The following CSPP1 variants were observed in gnomAD, a reference collection of about 807,000 sequenced individuals.
The protein encoded by CSPP1 is centrosome and spindle pole-associated protein 1.
Under a neutral mutation model 164.4 loss-of-function variants are expected in CSPP1, and 126 were observed. That is an observed-to-expected ratio of 0.77 (90% CI 0.66 to 0.89). The LOEUF is 0.89. CSPP1 is among the 40% of genes least tolerant of loss of function. CSPP1 has a pLI of 0.00. For missense variants in CSPP1, 1,395 were observed against 1,449.8 expected (o/e 0.96, Z 0.61); for synonymous variants, 472 against 476.7 (o/e 0.99, Z 0.13).
chr8:67,098,248 A>C (rs1813249391), intron 7 of CSPP1, among the ~76,000 whole-genome samples: 1 of 150,520 alleles, frequency 6.6e-6, no homozygotes, highest in Non-Finnish European at 1.5e-5. Flanking sequence ...TATTATGAGA[A>C]GTGCACAGTT....
intron 23 of CSPP1, 146 bp from the exon 24 acceptor site, chr8:67,164,245 G>T (rs1267188590): frequency 3.5e-6 from 2 of 570,352 alleles, no homozygotes; most frequent in Non-Finnish European, 6.2e-6. Context: ...ATCCATGTAT[G>T]TGTGTATATA....
chr8:67,131,198 C>T (rs189715496), intron 15 of CSPP1, among the ~76,000 whole-genome samples: 1 of 152,070 alleles, frequency 6.6e-6, no homozygotes, highest in South Asian at 2.1e-4. Context: ...AGTTCAAGAC[C>T]AGCCTGGGCA....
chr8:67,075,457 T>A (rs1807723152), intron 2 of CSPP1, among the ~76,000 whole-genome samples: 1 of 152,224 alleles, frequency 6.6e-6, no homozygotes, highest in South Asian at 2.1e-4. Context: ...TTTACTCACA[T>A]GGCTAACATT....
At chr8:67,174,314 T>A (rs574655674) in intron 25 of CSPP1, 6 of 152,304 alleles carry the variant, frequency 3.9e-5, no homozygotes, top group Admixed American at 3.9e-4. Context: ...TAATTTCTGA[T>A]CATAAAGCTT....
intron 12 of CSPP1, 120 bp from the exon 13 acceptor site, chr8:67,115,794 A>G: frequency 6.2e-6 from 4 of 640,102 alleles, no homozygotes; most frequent in Non-Finnish European, 1.1e-5. Flanking sequence ...TTATAGCTGT[A>G]AAATTCTGTT....
chr8:67,141,241 A>G (rs2129556008), intron 17 of CSPP1, among the ~76,000 whole-genome samples: 1 of 152,248 alleles, frequency 6.6e-6, no homozygotes, highest in African/African-American at 2.4e-5. Flanking sequence ...TTGAGTTATA[A>G]AACATTATTT....
intron 12 of CSPP1, chr8:67,115,300 CT>C (rs1214197407): frequency 6.6e-6 from 1 of 152,212 alleles, no homozygotes; most frequent in East Asian, 1.9e-4. Flanking sequence ...CTAGTCTTTG[CT>C]TAATTATTTA....
chr8:67,087,216 TA>T (rs1452202295), intron 4 of CSPP1, among the ~76,000 whole-genome samples: 1 of 152,114 alleles, frequency 6.6e-6, no homozygotes, highest in Admixed American at 6.5e-5. Context: ...ATATCCAAGA[TA>T]TTTGAACTAC....
chr8:67,148,154 AG>A (rs1456406591), intron 17 of CSPP1, among the ~76,000 whole-genome samples: 1 of 152,026 alleles, frequency 6.6e-6, no homozygotes, highest in Non-Finnish European at 1.5e-5. Flanking sequence ...CCTGAGCTCA[AG>A]TAATCCACCC....
At chr8:67,182,223 G>A (rs546094222) in intron 28 of CSPP1, among the ~76,000 whole-genome samples, 2 of 151,994 alleles carry the variant, frequency 1.3e-5, no homozygotes, top group Non-Finnish European at 2.9e-5. Flanking sequence ...GGTTGGTCGC[G>A]AACTCTTGAG....
In CSPP1 at chr8:67,172,154, ATTT is replaced by A. The variant is rs540548645; in HGVS notation, c.2829-242_2829-240del. Reference sequence around the variant, plus strand: ...ATGAGACACCATGCCTGGCCTCATAATTTTTTTTTTTTTTTTTTTTTTGTAGCG... The same window carrying A: ...ATGAGACACCATGCCTGGCCTCATAATTTTTTTTTTTTTTTTTTTGTAGCG... On this transcript the variant is annotated intron_variant, in intron 24 of 30. Coordinates refer to ENST00000678616, the MANE Select transcript of CSPP1 (RefSeq NM_001382391.1). Among the ~76,000 whole-genome samples, 9 of 124,872 alleles carry A rather than the reference ATTT, an allele frequency of 7.2e-5. No homozygotes were observed. The South Asian group carries it at 1.0e-3, about 14-fold the overall frequency. The allele number at this position is 124,872 out of a possible 152,430, so 81.9% of individuals were successfully genotyped here.
In CSPP1 at chr8:67,113,818, G is replaced by T. The variant is rs1325593575; in HGVS notation, c.1201G>T (p.Glu401Ter). The change falls in exon 11 of 31, where the codon GAA becomes TAA. Residue 401 changes from glutamate to a stop codon, truncating the protein, a stop_gained. Coordinates refer to ENST00000678616, the MANE Select transcript of CSPP1 (RefSeq NM_001382391.1). LOFTEE classifies it high-confidence loss of function. ...AATTTTGTTTAGAGAAAAAGATTTA[G>T]AACTCAGGGTTGCAGCGTCTGGAGC... ...QRNKRREKDL[E>*]LRVAASGAQD... The T allele has an allele frequency of 6.4e-7, 1 of 1,571,476 alleles. No homozygotes were observed. Among genetic ancestry groups the T allele is most frequent in the Non-Finnish European group, 8.7e-7 (1 of 1,151,938 alleles).
chr8:67,188,948 G>A (rs1040537355), intron 28 of CSPP1, among the ~76,000 whole-genome samples: 1 of 152,034 alleles, frequency 6.6e-6, no homozygotes, highest in Non-Finnish European at 1.5e-5. Context: ...GTGAGGCCAA[G>A]AACCCCAGGT....
intron 7 of CSPP1, among the ~76,000 whole-genome samples, chr8:67,100,740 C>T (rs1057273832): frequency 2.0e-5 from 3 of 150,012 alleles, no homozygotes; most frequent in Admixed American, 1.3e-4. Flanking sequence ...CCGCCGTGCC[C>T]GGCCTCTGTT....
Position 67,086,082 on chromosome 8 carries a change from G to A in CSPP1, c.275G>A (p.Arg92Gln), listed in dbSNP as rs764280843. Residue 92 changes from arginine to glutamine, a missense_variant, in exon 4 of 31, where the codon CGG (arginine) becomes CAG (glutamine). Transcript: ENST00000678616. ...RKKHKLKEEL[R>Q]QDYRRYLTQK... ...AAACATAAATTAAAAGAAGAATTGC[G>A]GCAAGATTACAGACGTTATCTTACT... 26 of 1,494,268 alleles carry A rather than the reference G, an allele frequency of 1.7e-5. No individual in the cohort carries two copies. The highest frequency in any genetic ancestry group is 2.3e-5 in the South Asian group (2 of 88,560). 92.6% of individuals were successfully genotyped at this position (1,494,268 alleles called of 1,614,324 possible).
intron 9 of CSPP1, among the ~76,000 whole-genome samples, chr8:67,110,375 A>T (rs964913693): frequency 2.0e-5 from 3 of 152,054 alleles, no homozygotes; most frequent in Admixed American, 1.3e-4. Context: ...TCTTACTACT[A>T]CAGAGTGACC....
chr8:67,147,147 T>C (rs959985223), intron 17 of CSPP1, among the ~76,000 whole-genome samples: 1 of 152,242 alleles, frequency 6.6e-6, no homozygotes, highest in African/African-American at 2.4e-5. Context: ...AACAATAAAT[T>C]ATAATGTGTT....
chr8:67,128,854 TTGGTTTGAATCC>T (rs1425547291), intron 15 of CSPP1, among the ~76,000 whole-genome samples: 1 of 152,192 alleles, frequency 6.6e-6, no homozygotes, highest in African/African-American at 2.4e-5. Flanking sequence ...CCTGATTGCC[TTGGTTTGAATCC>T]TGCTTTTACC....
At chr8:67,134,620 T>G (rs1449170840) in intron 16 of CSPP1, 1 of 147,996 alleles carries the variant, frequency 6.8e-6, no homozygotes, top group Admixed American at 6.9e-5. Context: ...AGTGCAGTGG[T>G]GCGATCTTAG....
Sources: allele counts gnomAD v4.1 joint callset (sites outside exome capture counted in the v4.1 genomes callset), GRCh38; gene constraint gnomAD v4.1.1; transcripts MANE v1.5; gene names NCBI Gene and HGNC (gene_info 2026-07-23, HGNC 2026-07-21).